The following ELOVL5 variants were observed in gnomAD, a reference collection of about 807,000 sequenced individuals.
The protein encoded by ELOVL5 is very long chain fatty acid elongase 5.
A neutral mutation model predicts 38.6 loss-of-function variants in ELOVL5; 8 were observed. The observed-to-expected ratio is 0.21, with a 90% confidence interval of 0.12 to 0.37. The LOEUF is 0.37. Ranked by LOEUF, ELOVL5 falls within the 10% of genes least tolerant of loss-of-function variation. The pLI, the probability that ELOVL5 is intolerant of heterozygous loss-of-function variation, is 1.00. For missense variants in ELOVL5, 280 were observed against 367.8 expected (o/e 0.76, Z 1.95); for synonymous variants, 127 against 133.7 (o/e 0.95, Z 0.34).
intron 1 of ELOVL5, among the ~76,000 whole-genome samples, chr6:53,327,655 A>C (rs1581985392): frequency 6.6e-6 from 1 of 152,206 alleles, no homozygotes; most frequent in East Asian, 1.9e-4. Context: ...ACTGAGTTGA[A>C]CATTTAAAAA....
At chr6:53,294,996 C>T (rs1766935549) in intron 2 of ELOVL5, among the ~76,000 whole-genome samples, 1 of 152,208 alleles carries the variant, frequency 6.6e-6, no homozygotes, top group Non-Finnish European at 1.5e-5. Flanking sequence ...CCTATTATTT[C>T]ATCTCTGCCA....
At chr6:53,279,307 C>G (rs1349619918) in intron 3 of ELOVL5, among the ~76,000 whole-genome samples, 1 of 152,198 alleles carries the variant, frequency 6.6e-6, no homozygotes, top group Admixed American at 6.5e-5. Context: ...ATCTCCAGCT[C>G]TCAAAATCCT....
intron 1 of ELOVL5, among the ~76,000 whole-genome samples, chr6:53,336,009 T>C (rs891249468): frequency 2.6e-5 from 4 of 152,190 alleles, no homozygotes; most frequent in Non-Finnish European, 5.9e-5. Flanking sequence ...AGATACACAC[T>C]TCTACTTTGT....
intron 7 of ELOVL5, among the ~76,000 whole-genome samples, chr6:53,269,652 C>G (rs778605146): frequency 6.6e-6 from 1 of 152,196 alleles, no homozygotes; most frequent in Admixed American, 6.5e-5. Context: ...ATCCCTTGTT[C>G]GTCTTCAAAA....
intron 1 of ELOVL5, among the ~76,000 whole-genome samples, chr6:53,343,792 C>G (rs578230872): frequency 2.6e-5 from 4 of 152,164 alleles, no homozygotes; most frequent in Non-Finnish European, 4.4e-5. Flanking sequence ...AATAAACACA[C>G]AAACATGTAT....
At chr6:53,274,309 A>T (rs1018877038) in intron 5 of ELOVL5, among the ~76,000 whole-genome samples, 3 of 151,956 alleles carry the variant, frequency 2.0e-5, no homozygotes, top group Non-Finnish European at 4.4e-5. Flanking sequence ...AACCCAAAGG[A>T]TCTGTATTTG....
chr6:53,331,424 G>T (rs563787283), intron 1 of ELOVL5, among the ~76,000 whole-genome samples: 2 of 152,282 alleles, frequency 1.3e-5, no homozygotes, highest in South Asian at 4.1e-4. Context: ...CACTGTATAT[G>T]GTACGTAATT....
intron 5 of ELOVL5, among the ~76,000 whole-genome samples, chr6:53,274,506 G>A (rs1263861738): frequency 4.6e-5 from 7 of 152,162 alleles, no homozygotes; most frequent in Admixed American, 4.6e-4. Flanking sequence ...AAACTCCCAG[G>A]CTGAATCTGA....
chr6:53,291,643 C>T (rs974399859), intron 3 of ELOVL5, 133 bp downstream of exon 3: 57 of 560,546 alleles, frequency 1.0e-4, no homozygotes, highest in African/African-American at 7.2e-4. Flanking sequence ...ACACTCATAA[C>T]GCATTAAGAT....
intron 2 of ELOVL5, among the ~76,000 whole-genome samples, chr6:53,295,202 A>T (rs909555867): frequency 2.0e-5 from 3 of 152,242 alleles, no homozygotes; most frequent in Non-Finnish European, 1.5e-5. Context: ...TTTCTAAAAG[A>T]TACAGCAAGT....
rs200287018 is a variant in ELOVL5, at chr6:53,269,314, T to C, written c.757-44A>G. ...GATGAGAACCAAATGACCACAGTTT[T>C]CTTTATAGGGAACTTTACTGAGAAT... On this transcript the variant is annotated intron_variant, in intron 7 of 7. Transcript: ENST00000304434. 7.6e-4 allele frequency: 1,059 copies of C among 1,394,842 alleles called. 6 individuals carry two copies. In the African/African-American group the frequency reaches 0.014, roughly 18 times the overall value. The allele number at this position is 1,394,842 out of a possible 1,614,324, so 86.4% of individuals were successfully genotyped here.
rs538221851 is a variant in ELOVL5 at position 53,280,754 on chromosome 6, G to A, written c.247-4498C>T. On this transcript the variant is annotated intron_variant, in intron 3 of 7. Transcript: ENST00000304434. ...ACTACAGGTGCACGCTGTCATGCCCGGCTAATTTTTATATTTTTGTTGTAA... is the reference window on the plus strand; with the variant it reads ...ACTACAGGTGCACGCTGTCATGCCCAGCTAATTTTTATATTTTTGTTGTAA... Among the ~76,000 whole-genome samples, 22 of 152,174 alleles carry A rather than the reference G, an allele frequency of 1.4e-4. No homozygotes were observed. The East Asian group carries it at 1.7e-3, about 12-fold the overall frequency.
At chr6:53,325,374 T>C (rs9357761) in intron 1 of ELOVL5, among the ~76,000 whole-genome samples, 55,297 of 151,816 alleles carry the variant, frequency 0.36, 11,172 homozygotes, top group African/African-American at 0.55. Context: ...AAATGTCATT[T>C]TTTAAAAAAG....
intron 1 of ELOVL5, among the ~76,000 whole-genome samples, chr6:53,322,840 T>C (rs533464192): frequency 2.0e-5 from 3 of 152,350 alleles, no homozygotes; most frequent in East Asian, 1.9e-4. Flanking sequence ...TCATTACAGA[T>C]TGCAATGCTT....
intron 7 of ELOVL5, 142 bp from the exon 8 acceptor site, chr6:53,269,412 T>C (rs900556491): frequency 9.2e-6 from 5 of 543,820 alleles, no homozygotes; most frequent in South Asian, 1.0e-4. Flanking sequence ...CAAGTCCTCA[T>C]TGACTAAATC....
intron 3 of ELOVL5, among the ~76,000 whole-genome samples, chr6:53,276,773 C>T (rs1384214438): frequency 6.6e-6 from 1 of 152,072 alleles, no homozygotes; most frequent in Non-Finnish European, 1.5e-5. Context: ...ACTGATGCTG[C>T]TGATGTGGAA....
At chr6:53,289,208 C>A (rs889698186) in intron 3 of ELOVL5, among the ~76,000 whole-genome samples, 4 of 152,322 alleles carry the variant, frequency 2.6e-5, no homozygotes, top group Admixed American at 6.5e-5. Context: ...AAATTCTTTA[C>A]AGCCCCAAAT....
intron 6 of ELOVL5, among the ~76,000 whole-genome samples, chr6:53,271,428 T>C (rs906810381): frequency 7.2e-5 from 11 of 152,126 alleles, no homozygotes; most frequent in African/African-American, 2.7e-4. Context: ...CACACGCCGG[T>C]AGTCCCAGCT....
chr6:53,329,949 T>C (rs1257249346), intron 1 of ELOVL5, among the ~76,000 whole-genome samples: 2 of 152,230 alleles, frequency 1.3e-5, no homozygotes, highest in Admixed American at 1.3e-4. Context: ...TAAAAAGACA[T>C]TATATATTTA....
Sources: allele counts gnomAD v4.1 joint callset (sites outside exome capture counted in the v4.1 genomes callset), GRCh38; gene constraint gnomAD v4.1.1; transcripts MANE v1.5; gene names NCBI Gene and HGNC (gene_info 2026-07-23, HGNC 2026-07-21).